The following C1QTNF3 variants were observed in gnomAD, a reference collection of about 807,000 sequenced individuals.
C1QTNF3 encodes the protein complement C1q tumor necrosis factor-related protein 3.
C1QTNF3 carries 26 observed loss-of-function variants against 32.6 expected under a neutral mutation model. The ratio of observed to expected loss-of-function variants is 0.80; its 90% confidence interval spans 0.58 to 1.11. The LOEUF is 1.11. Ranked by LOEUF, C1QTNF3 falls within the 50% of genes least tolerant of loss-of-function variation. The pLI, the probability that C1QTNF3 is intolerant of heterozygous loss-of-function variation, is 0.00. For missense variants in C1QTNF3, 362 were observed against 398.2 expected (o/e 0.91, Z 0.77); for synonymous variants, 155 against 146.0 (o/e 1.06, Z -0.44).
the C1QTNF3 span, among the ~76,000 whole-genome samples, chr5:34,226,811 G>T: frequency 4.0e-5 from 6 of 151,316 alleles, no homozygotes; most frequent in African/African-American, 1.5e-4. Flanking sequence ...TTACAGAAAA[G>T]AAAGTGTTAT....
the C1QTNF3 span, among the ~76,000 whole-genome samples, chr5:34,203,442 C>T: frequency 6.6e-6 from 1 of 152,156 alleles, no homozygotes; most frequent in Non-Finnish European, 1.5e-5. Flanking sequence ...AATCCCAGCA[C>T]TTTGGGAGGC....
Position 34,043,003 on chromosome 5 carries a change from C to T in C1QTNF3, c.123G>A (p.Val41=). ...GRTNKVVARI[V]QSHQQTGRSG... ...TACGGCCAGTCTGCTGGTGGCTTTG[C>T]ACTATTCTTGCCACCACTTTATTAG... Residue 41 remains valine (V), a synonymous_variant, in exon 1 of 6, where the codon GTG becomes GTA. Coordinates refer to ENST00000382065, the MANE Select transcript of C1QTNF3 (RefSeq NM_181435.6). 6.2e-7 allele frequency: 1 copy of T among 1,614,214 alleles called. No homozygotes were observed. The highest frequency in any genetic ancestry group is 1.1e-5 in the South Asian group (1 of 91,082).
At chr5:34,203,610 T>C in the C1QTNF3 span, among the ~76,000 whole-genome samples, 2 of 151,276 alleles carry the variant, frequency 1.3e-5, no homozygotes, top group African/African-American at 4.9e-5. Context: ...CGCTTGAACC[T>C]GCAAGACGGA....
At chr5:34,154,267 T>C in the C1QTNF3 span, among the ~76,000 whole-genome samples, 1 of 152,242 alleles carries the variant, frequency 6.6e-6, no homozygotes, top group Non-Finnish European at 1.5e-5. Flanking sequence ...TTAATCGCAA[T>C]GTACTGAATC....
the C1QTNF3 span, among the ~76,000 whole-genome samples, chr5:34,158,953 CACAA>C: frequency 1.8e-4 from 27 of 152,030 alleles, no homozygotes; most frequent in South Asian, 2.3e-3. Context: ...TACTTACACA[CACAA>C]ACAATCATAT....
At chr5:34,218,704 T>A in the C1QTNF3 span, among the ~76,000 whole-genome samples, 2 of 152,098 alleles carry the variant, frequency 1.3e-5, no homozygotes, top group African/African-American at 4.8e-5. Context: ...TGATAATAAA[T>A]AAGAGTTCCT....
chr5:34,081,338 G>T, the C1QTNF3 span, among the ~76,000 whole-genome samples: 1 of 151,476 alleles, frequency 6.6e-6, no homozygotes, highest in Non-Finnish European at 1.5e-5. Flanking sequence ...GAAATAAACT[G>T]AACATCTATT....
chr5:34,155,708 T>C, the C1QTNF3 span, among the ~76,000 whole-genome samples: 11 of 152,172 alleles, frequency 7.2e-5, no homozygotes, highest in Admixed American at 6.6e-4. Context: ...ATTTGCTAAA[T>C]ATATGGAAGT....
the C1QTNF3 span, among the ~76,000 whole-genome samples, chr5:34,198,233 C>G: frequency 7.0e-6 from 1 of 143,532 alleles, no homozygotes. Flanking sequence ...CAGAGCAAAA[C>G]TCTGTCTCAA....
intron 1 of C1QTNF3, among the ~76,000 whole-genome samples, chr5:34,041,698 G>A (rs1381995913): frequency 3.9e-5 from 6 of 152,024 alleles, no homozygotes; most frequent in African/African-American, 1.5e-4. Flanking sequence ...CCTTAAAGAA[G>A]CAATTTTCTC....
the C1QTNF3 span, among the ~76,000 whole-genome samples, chr5:34,229,821 A>C: frequency 6.6e-5 from 10 of 152,322 alleles, no homozygotes; most frequent in South Asian, 2.1e-3. Context: ...GTGTGATAGT[A>C]TCTGGAGATG....
At chr5:34,078,831 T>A in the C1QTNF3 span, among the ~76,000 whole-genome samples, 3 of 151,660 alleles carry the variant, frequency 2.0e-5, no homozygotes, top group Admixed American at 2.0e-4. The surrounding 1 kb of genome is among the most constrained non-coding windows in gnomAD (Gnocchi z 4.0). Flanking sequence ...AGATTCTTTA[T>A]ATCGCCCATG....
the C1QTNF3 span, among the ~76,000 whole-genome samples, chr5:34,128,262 G>C: frequency 2.0e-5 from 3 of 152,194 alleles, no homozygotes; most frequent in Admixed American, 1.3e-4. Context: ...CTAGATTTCA[G>C]ATAATATATG....
At chr5:34,129,894 T>C in the C1QTNF3 span, among the ~76,000 whole-genome samples, 1 of 152,100 alleles carries the variant, frequency 6.6e-6, no homozygotes, top group Non-Finnish European at 1.5e-5. Context: ...TTCCATAATG[T>C]CTTGTTTTCA....
At chr5:34,064,049 G>T in the C1QTNF3 span, among the ~76,000 whole-genome samples, 1 of 152,158 alleles carries the variant, frequency 6.6e-6, no homozygotes, top group Non-Finnish European at 1.5e-5. Flanking sequence ...CAGGAAAATT[G>T]AAAGTGGAAG....
At chr5:34,118,986 G>A in the C1QTNF3 span, among the ~76,000 whole-genome samples, 1 of 151,780 alleles carries the variant, frequency 6.6e-6, no homozygotes, top group Non-Finnish European at 1.5e-5. Context: ...ACACATATTT[G>A]TATGCAGACA....
the C1QTNF3 span, among the ~76,000 whole-genome samples, chr5:34,112,124 T>C: frequency 6.6e-6 from 1 of 152,324 alleles, no homozygotes; most frequent in African/African-American, 2.4e-5. Flanking sequence ...GTTTCCCTAT[T>C]ATTTGGAGTA....
chr5:34,183,581 T>G, the C1QTNF3 span, among the ~76,000 whole-genome samples: 5 of 150,934 alleles, frequency 3.3e-5, no homozygotes, highest in African/African-American at 1.2e-4. Flanking sequence ...CCCACCCGCC[T>G]CAGTCTCCCA....
the C1QTNF3 span, among the ~76,000 whole-genome samples, chr5:34,236,342 G>GGTCA: frequency 6.6e-6 from 1 of 151,482 alleles, no homozygotes; most frequent in African/African-American, 2.4e-5. Flanking sequence ...AGTGAGCTGA[G>GGTCA]GTCACATCAC....
Sources: allele counts gnomAD v4.1 joint callset (sites outside exome capture counted in the v4.1 genomes callset), GRCh38; gene constraint gnomAD v4.1.1; non-coding constraint Gnocchi (gnomAD v3.1); transcripts MANE v1.5; gene names NCBI Gene and HGNC (gene_info 2026-07-23, HGNC 2026-07-21).